KIF20A: variants seen among roughly 807,000 people sequenced by gnomAD.
KIF20A encodes kinesin family member 20A.
Under a neutral mutation model 113.0 loss-of-function variants are expected in KIF20A, and 66 were observed. The ratio of observed to expected loss-of-function variants is 0.58; its 90% CI spans 0.48 to 0.72. KIF20A has a LOEUF of 0.72. Among genes scored for constraint, KIF20A ranks in the 30% least tolerant of loss-of-function variants. The pLI, the probability that KIF20A is intolerant of heterozygous loss-of-function variation, is 0.00. For missense variants in KIF20A, 927 were observed against 1,077.6 expected (o/e 0.86, Z 1.96); for synonymous variants, 376 against 402.3 (o/e 0.93, Z 0.78).
chr5:138,184,708 C>CT (rs752845884), intron 13 of KIF20A, 32 bp downstream of exon 13: 22 of 1,611,412 alleles, frequency 1.4e-5, no homozygotes, highest in South Asian at 9.9e-5. Flanking sequence ...AGTGTAGCAG[C>CT]TTAGTAGCTA....
Position 138,183,117 on chromosome 5 carries a change from A to G in KIF20A, c.833-52A>G, listed in dbSNP as rs1754687254. 1 of 1,604,424 alleles carries G rather than the reference A, an allele frequency of 6.2e-7. No homozygotes were observed. The highest frequency in any genetic ancestry group is 8.5e-7 in the Non-Finnish European group (1 of 1,174,128). Reference sequence around the variant, plus strand: ...CCTTCCAAGGCCCCTGCAGGCCAAAAGAGAGGTGAACTGCTCTAGGTTGAT... The same window carrying G: ...CCTTCCAAGGCCCCTGCAGGCCAAAGGAGAGGTGAACTGCTCTAGGTTGAT... On this transcript the variant is annotated intron_variant, in intron 7 of 18. Transcript: ENST00000394894. The surrounding 1 kb of genome is among the most constrained non-coding windows in gnomAD (Gnocchi z 5.2).
At chr5:138,180,921 C>T (rs1301120396) in intron 2 of KIF20A, among the ~76,000 whole-genome samples, 2 of 152,218 alleles carry the variant, frequency 1.3e-5, no homozygotes, top group African/African-American at 2.4e-5. Context: ...AGGTGATCCA[C>T]CCTCTTTGGC....
chr5:138,184,192 GGGCT>G, intron 11 of KIF20A, 43 bp from the exon 12 acceptor site: 1 of 1,611,114 alleles, frequency 6.2e-7, no homozygotes, highest in Admixed American at 1.7e-5. Flanking sequence ...GATACCCAAA[GGGCT>G]GGTGTTCTGC....
At position 138,187,441 on chromosome 5, in the gene KIF20A, T is replaced by G; in HGVS notation, c.*28T>G. On this transcript the variant is annotated 3_prime_UTR_variant, in exon 19 of 19. Coordinates refer to ENST00000394894, the MANE Select transcript of KIF20A (RefSeq NM_005733.3). ...CTGTGGGGAAAGAGAAGAGCAGTCA[T>G]GGCCCTGAGGTGGGTCAGCTACTCT... 6.3e-7 allele frequency: 1 copy of G among 1,591,828 alleles called. No individual in the cohort carries two copies. The highest frequency in any genetic ancestry group is 2.2e-5 in the East Asian group (1 of 44,674).
chr5:138,185,200 G>T lies in KIF20A; in HGVS notation c.1926+3G>T. 1 of 1,589,402 alleles carries T rather than the reference G, an allele frequency of 6.3e-7. No homozygotes were observed. The highest frequency in any genetic ancestry group is 8.6e-7 in the Non-Finnish European group (1 of 1,158,262). On this transcript the variant is annotated splice_donor_region_variant and intron_variant, in intron 15 of 18. Transcript: ENST00000394894. ...GTTTTTACCAAGAAGAGATTCAGGTGAGTTGCCCTGAGCCAGCTCCAATTA... is the reference window on the plus strand; with the variant it reads ...GTTTTTACCAAGAAGAGATTCAGGTTAGTTGCCCTGAGCCAGCTCCAATTA...
Position 138,186,329 on chromosome 5 carries a change from T to C in KIF20A, c.2253T>C (p.Leu751=). 2 of 1,599,826 alleles carry C rather than the reference T, an allele frequency of 1.3e-6. No homozygotes were observed. The highest frequency in any genetic ancestry group is 1.7e-6 in the Non-Finnish European group (2 of 1,176,910). Residue 751 remains leucine (L), a synonymous_variant, in exon 18 of 19, where the codon CTT becomes CTC. Transcript: ENST00000394894. ...TGTTGCGGACAGAGCTTCAGAAACT[T>C]GGTGAGTCTCTCCAATCAGCAGAGA... ...IRLLRTELQK[L]GESLQSAERA... is the part of the protein sequence containing the mutation.
chr5:138,180,023 A>C (rs984581223), intron 2 of KIF20A, among the ~76,000 whole-genome samples, 178 bp downstream of exon 2: 5 of 152,218 alleles, frequency 3.3e-5, no homozygotes, highest in African/African-American at 4.8e-5. Flanking sequence ...AATTAAGGGC[A>C]TGACAAGTAA....
rs1754761458 is a variant in KIF20A at position 138,187,265 on chromosome 5, A to C, written c.2525A>C (p.Gln842Pro). The C allele has an allele frequency of 1.2e-6, 2 of 1,614,028 alleles. No homozygotes were observed. The highest frequency in any genetic ancestry group is 1.7e-5 in the Admixed American group (1 of 59,980). ...TNQENQQPNQQPPGKKPFLRN... is the reference protein window; with the variant it reads ...TNQENQQPNQPPPGKKPFLRN... ...CAGGAAAATCAGCAACCAAACCAACAACCACCAGGGAAGAAACCATTCCTT... is the reference window on the plus strand; with the variant it reads ...CAGGAAAATCAGCAACCAAACCAACCACCACCAGGGAAGAAACCATTCCTT... The change falls in exon 19 of 19, where the codon CAA (glutamine) becomes CCA (proline). Residue 842 changes from glutamine to proline, a missense_variant. By Grantham distance (76) the Gln-to-Pro change is moderately conservative. Transcript: ENST00000394894.
Position 138,182,980 on chromosome 5 carries a change from C to T in KIF20A, c.822C>T (p.Ser274=), listed in dbSNP as rs748238660. ...LSSISQCTSS[S]QLDETSHRWA... is the part of the protein sequence containing the mutation. ...CTATCAGTCAGTGTACCAGCAGTAG[C>T]CAGCTGGATGGTATGTACCGTGACT... The change falls in exon 7 of 19, where the codon AGC becomes AGT. Residue 274 remains serine (S), a synonymous_variant. Coordinates refer to ENST00000394894, the MANE Select transcript of KIF20A (RefSeq NM_005733.3). The T allele has an allele frequency of 3.1e-6, 5 of 1,614,010 alleles. No individual in the cohort carries two copies. Among genetic ancestry groups the T allele is most frequent in the Non-Finnish European group, 4.2e-6 (5 of 1,180,024 alleles).
rs1754768787 is a variant in KIF20A, at chr5:138,187,639, T to C, written c.*226T>C. 1 of 387,844 alleles carries C rather than the reference T, an allele frequency of 2.6e-6. No homozygotes were observed. The allele number at this position is 387,844 out of a possible 1,614,324, so 24.0% of individuals were successfully genotyped here. On this transcript the variant is annotated 3_prime_UTR_variant, in exon 19 of 19. Transcript: ENST00000394894. ...ATTTCTATGCACACAAAAACAGTTA[T>C]ATTAAAGATATTATTGTTCACATTT...
Position 138,185,141 on chromosome 5 carries a change from G to C in KIF20A, c.1870G>C (p.Glu624Gln). The C allele has an allele frequency of 6.2e-7, 1 of 1,614,000 alleles. No homozygotes were observed. The highest frequency in any genetic ancestry group is 8.5e-7 in the Non-Finnish European group (1 of 1,179,918). ...QKELLEEMYE[E>Q]KLNILKESLT... ...GGAACTATTGGAGGAAATGTATGAA[G>C]AAAAACTAAATATCCTCAAGGAGTC... is the stretch of plus-strand genomic sequence containing the variant. The change falls in exon 15 of 19, where the codon GAA becomes CAA. Residue 624 changes from glutamate (E) to glutamine (Q), a missense_variant. Coordinates refer to ENST00000394894, the MANE Select transcript of KIF20A (RefSeq NM_005733.3).
chr5:138,185,281 T>C (rs2151233861), intron 15 of KIF20A, 84 bp downstream of exon 15: 1 of 954,124 alleles, frequency 1.0e-6, no homozygotes, highest in Middle Eastern at 2.2e-4. Flanking sequence ...TATAAACTAC[T>C]CCAGTAAGGG....
In KIF20A at chr5:138,183,581, G is replaced by C. The variant is rs1325507142; in HGVS notation, c.1139G>C (p.Ser380Thr). The change falls in exon 9 of 19, where the codon AGT becomes ACT. Residue 380 changes from serine (S) to threonine (T), a missense_variant and splice_region_variant. By Grantham distance (58) the Ser-to-Thr change is moderately conservative. Transcript: ENST00000394894. The surrounding 1 kb of genome is among the most constrained non-coding windows in gnomAD (Gnocchi z 5.2). Reference protein sequence around the residue: ...STHLNQNSSRSHSIFSIRILH... With the variant: ...STHLNQNSSRTHSIFSIRILH... The stretch of plus-strand genomic sequence containing the variant: ...CACCTCAACCAGAACTCCAGCCGCA[G>C]GTGAGTAGATTGTAAGAATAAACTC... 6 of 1,613,684 alleles carry C rather than the reference G, an allele frequency of 3.7e-6. No individual in the cohort carries two copies. The highest frequency in any genetic ancestry group is 5.1e-6 in the Non-Finnish European group (6 of 1,179,794).
chr5:138,183,340 A>G lies in KIF20A; in HGVS notation c.1004A>G (p.Gln335Arg), dbSNP rs912959379. 1 of 1,614,234 alleles carries G rather than the reference A, an allele frequency of 6.2e-7. No homozygotes were observed. The highest frequency in any genetic ancestry group is 1.1e-5 in the South Asian group (1 of 91,070). The change falls in exon 8 of 19, where the codon CAA (glutamine) becomes CGA (arginine). Residue 335 changes from glutamine to arginine, a missense_variant. Transcript: ENST00000394894. This position sits in a 1 kb window ranked among gnomAD's most constrained non-coding sequence, Gnocchi z 5.2. ...KRQTLRLCEDQNGNPYVKDLN... is the reference protein window; with the variant it reads ...KRQTLRLCEDRNGNPYVKDLN... ...CAGACTTTGCGGCTATGCGAGGATCAAAATGGCAATCCCTATGTGAAAGGT... is the reference window on the plus strand; with the variant it reads ...CAGACTTTGCGGCTATGCGAGGATCGAAATGGCAATCCCTATGTGAAAGGT...
Position 138,185,998 on chromosome 5 carries a change from C to T in KIF20A, c.2163C>T (p.Pro721=). ...HKYQKMLEPP[P]SAKPFTIDVD... is the part of the protein sequence containing the mutation. ...ATCAGAAAATGTTAGAACCACCACC[C>T]TCAGCCAAGCCCTTCACCATTGATG... The change falls in exon 17 of 19, where the codon CCC becomes CCT. Residue 721 remains proline (P), a synonymous_variant. Coordinates refer to ENST00000394894, the MANE Select transcript of KIF20A (RefSeq NM_005733.3). The T allele has an allele frequency of 1.2e-6, 2 of 1,614,140 alleles. No homozygotes were observed. Among genetic ancestry groups the T allele is most frequent in the South Asian group, 1.1e-5 (1 of 91,080 alleles).
chr5:138,187,400 G>C lies in KIF20A; in HGVS notation c.2660G>C (p.Gly887Ala). 1 of 1,612,020 alleles carries C rather than the reference G, an allele frequency of 6.2e-7. No homozygotes were observed. Among genetic ancestry groups the C allele is most frequent in the Non-Finnish European group, 8.5e-7 (1 of 1,179,092 alleles). ...RSPLLKSGPF[G>A]KKY ...CCTTTACTCAAATCTGGGCCTTTTGGCAAAAAGTACTAAGGCTGTGGGGAA... is the reference window on the plus strand; with the variant it reads ...CCTTTACTCAAATCTGGGCCTTTTGCCAAAAAGTACTAAGGCTGTGGGGAA... Residue 887 changes from glycine (G) to alanine (A), a missense_variant, in exon 19 of 19, where the codon GGC becomes GCC. By Grantham distance (60) the Gly-to-Ala change is moderately conservative. Transcript: ENST00000394894.
At chr5:138,186,472 A>G in intron 18 of KIF20A, 41 bp downstream of exon 18, 1 of 1,584,726 alleles carries the variant, frequency 6.3e-7, no homozygotes. Flanking sequence ...CTACCAGCCC[A>G]CTCCAGTGTA....
Position 138,182,677 on chromosome 5 carries a change from G to C in KIF20A, c.606G>C (p.Lys202Asn). ...AACTTCATCCAACACCTGATCTGAAGCCCTTGCTCTCCAATGAGGTAATCT... is the reference window on the plus strand; with the variant it reads ...AACTTCATCCAACACCTGATCTGAACCCCTTGCTCTCCAATGAGGTAATCT... ...QGQLHPTPDLKPLLSNEVIWL... is the reference protein window; with the variant it reads ...QGQLHPTPDLNPLLSNEVIWL... Residue 202 changes from lysine (K) to asparagine (N), a missense_variant, in exon 6 of 19, where the codon AAG (lysine) becomes AAC (asparagine). Transcript: ENST00000394894. 1 of 1,614,144 alleles carries C rather than the reference G, an allele frequency of 6.2e-7. No homozygotes were observed. Among genetic ancestry groups the C allele is most frequent in the South Asian group, 1.1e-5 (1 of 91,086 alleles).
At position 138,183,764 on chromosome 5, in the gene KIF20A, T is replaced by C. The variant is rs1754699240; in HGVS notation, c.1208+8T>C. 9.3e-6 allele frequency: 15 copies of C among 1,612,096 alleles called. No individual in the cohort carries two copies. Among genetic ancestry groups the C allele is most frequent in the South Asian group, 2.2e-5 (2 of 91,002 alleles). On this transcript the variant is annotated splice_region_variant and intron_variant, in intron 10 of 18. Transcript: ENST00000394894. The surrounding 1 kb of genome is among the most constrained non-coding windows in gnomAD (Gnocchi z 5.2). Reference sequence around the variant, plus strand: ...AGTCCCCAAGATCAGCGAGTAAGTTTATCCATTTAGAAATTTGGGCTTCTT... The same window carrying C: ...AGTCCCCAAGATCAGCGAGTAAGTTCATCCATTTAGAAATTTGGGCTTCTT...
Sources: allele counts gnomAD v4.1 joint callset (sites outside exome capture counted in the v4.1 genomes callset), GRCh38; gene constraint gnomAD v4.1.1; non-coding constraint Gnocchi (gnomAD v3.1); transcripts MANE v1.5; gene names NCBI Gene and HGNC (gene_info 2026-07-23, HGNC 2026-07-21).